LCLAT1: variants seen among roughly 807,000 people sequenced by gnomAD.
LCLAT1 encodes 1-AGP acyltransferase 8.
Under a neutral mutation model 30.7 loss-of-function variants are expected in LCLAT1, and 11 were observed. The ratio of observed to expected loss-of-function variants is 0.36; its 90% CI spans 0.23 to 0.59. The LOEUF is 0.59. LCLAT1 is among the 20% of genes least tolerant of loss of function. The pLI is 0.77. For missense variants in LCLAT1, 402 were observed against 458.6 expected, an observed-to-expected ratio of 0.88 and a Z score of 1.13; for synonymous variants, 155 against 151.3, an observed-to-expected ratio of 1.02 and a Z score of -0.18.
At chr2:30,534,219 CTGTGTGTGTGTGTGTGTGTGTGTGTGTG>C (rs57380693) in intron 3 of LCLAT1, among the ~76,000 whole-genome samples, 29 of 130,580 alleles carry the variant, frequency 2.2e-4, no homozygotes, top group African/African-American at 3.2e-4. Flanking sequence ...AGTTGATTTA[CTGTGTGTGTGTGTGTGTGTGTGTGTGTG>C]TGTGTGTGTG....
chr2:30,598,254 G>A (rs527829960), intron 5 of LCLAT1, among the ~76,000 whole-genome samples: 64 of 152,114 alleles, frequency 4.2e-4, no homozygotes, highest in Non-Finnish European at 6.9e-4. Context: ...GAATTCGGCT[G>A]TAAATCTGTC....
intron 4 of LCLAT1, 138 bp downstream of exon 4, chr2:30,562,430 G>A: frequency 1.6e-6 from 1 of 609,506 alleles, no homozygotes; most frequent in Non-Finnish European, 2.6e-6. Flanking sequence ...TAGCTACTCA[G>A]GAGGCTGAGA....
chr2:30,539,009 G>T (rs748066017), intron 3 of LCLAT1, among the ~76,000 whole-genome samples: 3 of 151,000 alleles, frequency 2.0e-5, no homozygotes, highest in Non-Finnish European at 4.4e-5. Context: ...ACCCAGGCTG[G>T]AGTGCAGTGG....
At chr2:30,553,560 A>G (rs1281980486) in intron 3 of LCLAT1, among the ~76,000 whole-genome samples, 1 of 152,212 alleles carries the variant, frequency 6.6e-6, no homozygotes, top group East Asian at 1.9e-4. Flanking sequence ...TCACGCCTGT[A>G]ATCCCAGCAC....
chr2:30,532,406 AAAG>A (rs1286474336), intron 2 of LCLAT1, among the ~76,000 whole-genome samples: 1 of 152,180 alleles, frequency 6.6e-6, no homozygotes, highest in Admixed American at 6.5e-5. Context: ...TTGAGAATTC[AAAG>A]AAGAGTTTGA....
At chr2:30,474,087 G>A (rs1682931188) in intron 1 of LCLAT1, among the ~76,000 whole-genome samples, 1 of 152,084 alleles carries the variant, frequency 6.6e-6, no homozygotes, top group Non-Finnish European at 1.5e-5. Flanking sequence ...TCATAATCAG[G>A]GAAGAAGGCA....
At chr2:30,546,082 G>A (rs1297920399) in intron 3 of LCLAT1, among the ~76,000 whole-genome samples, 1 of 152,166 alleles carries the variant, frequency 6.6e-6, no homozygotes, top group East Asian at 1.9e-4. Flanking sequence ...GGCCCACATT[G>A]TGATATATCT....
At chr2:30,483,649 C>A (rs994098817) in intron 1 of LCLAT1, among the ~76,000 whole-genome samples, 1 of 152,090 alleles carries the variant, frequency 6.6e-6, no homozygotes, top group African/African-American at 2.4e-5. Flanking sequence ...TCTGCATAAG[C>A]AAACCCACAT....
chr2:30,522,971 A>G (rs1357094963), intron 1 of LCLAT1, among the ~76,000 whole-genome samples: 1 of 152,132 alleles, frequency 6.6e-6, no homozygotes, highest in Non-Finnish European at 1.5e-5. Flanking sequence ...ATGATAGCTA[A>G]TTTATTTTTT....
At chr2:30,553,468 C>T (rs1664769824) in intron 3 of LCLAT1, among the ~76,000 whole-genome samples, 1 of 152,150 alleles carries the variant, frequency 6.6e-6, no homozygotes. Flanking sequence ...GACTCCCAGC[C>T]CTCGTCTGAG....
chr2:30,551,204 G>A (rs754478493), intron 3 of LCLAT1, among the ~76,000 whole-genome samples: 4 of 152,012 alleles, frequency 2.6e-5, no homozygotes, highest in Admixed American at 6.5e-5. Flanking sequence ...GGTGGGTATC[G>A]CTACATTGCC....
At chr2:30,457,809 T>G (rs1261762782) in intron 1 of LCLAT1, among the ~76,000 whole-genome samples, 1 of 152,230 alleles carries the variant, frequency 6.6e-6, no homozygotes, top group Non-Finnish European at 1.5e-5. Flanking sequence ...CCATTTACTG[T>G]TGCGATTTGG....
intron 3 of LCLAT1, among the ~76,000 whole-genome samples, chr2:30,544,455 T>G (rs1664301592): frequency 6.6e-6 from 1 of 152,182 alleles, no homozygotes; most frequent in Non-Finnish European, 1.5e-5. Flanking sequence ...CCCTGAGTCT[T>G]TCTTTCTTCA....
chr2:30,636,155 C>T (rs1439603898), intron 5 of LCLAT1, among the ~76,000 whole-genome samples: 2 of 152,026 alleles, frequency 1.3e-5, no homozygotes, highest in African/African-American at 4.8e-5. Context: ...TGAAATACGT[C>T]AGGAAAAAAG....
intron 3 of LCLAT1, among the ~76,000 whole-genome samples, chr2:30,545,950 T>G (rs1369712326): frequency 6.6e-6 from 1 of 152,180 alleles, no homozygotes. Context: ...CCTGTCCAAG[T>G]CATGGATGAA....
chr2:30,511,661 A>C (rs1684945940), intron 1 of LCLAT1, among the ~76,000 whole-genome samples: 1 of 152,202 alleles, frequency 6.6e-6, no homozygotes, highest in African/African-American at 2.4e-5. Flanking sequence ...TTTAGCATTC[A>C]GGATTCAGCA....
intron 1 of LCLAT1, among the ~76,000 whole-genome samples, chr2:30,488,070 A>G (rs574906036): frequency 3.3e-5 from 5 of 152,342 alleles, no homozygotes; most frequent in South Asian, 2.1e-4. Flanking sequence ...AGCTGTTAAA[A>G]AGAAAAACCA....
At position 30,642,135 on chromosome 2, in the gene LCLAT1, A is replaced by G. The variant is rs1050921751; in HGVS notation, c.*1516A>G. ...CCCAATAATTGCATCGTGCATTGCCATGAAAGGTAAACACATTGTGAACTG... is the reference window on the plus strand; with the variant it reads ...CCCAATAATTGCATCGTGCATTGCCGTGAAAGGTAAACACATTGTGAACTG... On this transcript the variant is annotated 3_prime_UTR_variant, in exon 6 of 6. Transcript: ENST00000379509. 4.6e-5 allele frequency: 7 copies of G among 152,162 alleles called. No individual in the cohort carries two copies. Among genetic ancestry groups the G allele is most frequent in the Admixed American group, 2.6e-4 (4 of 15,286 alleles). The allele number at this position is 152,162 out of a possible 1,614,324, so 9.4% of individuals were successfully genotyped here.
At chr2:30,584,008 C>G (rs536019226) in intron 5 of LCLAT1, among the ~76,000 whole-genome samples, 1 of 151,964 alleles carries the variant, frequency 6.6e-6, no homozygotes, top group East Asian at 1.9e-4. Flanking sequence ...GACCCTTCCT[C>G]TAACTTCCCT....
Sources: gnomAD v4.1 joint callset for allele counts (sites outside exome capture counted in the v4.1 genomes callset) on GRCh38, gnomAD v4.1.1 for gene constraint, MANE v1.5 for transcripts, NCBI Gene and HGNC (gene_info 2026-07-23, HGNC 2026-07-21) for gene names.